The following EIF4G3 variants were observed in gnomAD, a reference collection of about 807,000 sequenced individuals.
EIF4G3 encodes eIF-4-gamma 3.
A neutral mutation model predicts 186.4 loss-of-function variants in EIF4G3; 34 were observed. That is an observed-to-expected ratio of 0.18 (90% CI 0.14 to 0.24). EIF4G3 has a LOEUF of 0.24. Among genes scored for constraint, EIF4G3 ranks in the 10% least tolerant of loss-of-function variants. The probability of loss-of-function intolerance (pLI) is 1.00; values close to 1 mark genes in which losing one functional copy is unlikely to be tolerated. For synonymous variants in EIF4G3, 673 were observed against 679.5 expected (o/e 0.99, Z 0.15); for missense variants, 1,536 against 1,948.5 (o/e 0.79, Z 3.99).
At chr1:20,989,914 C>A (rs1382332381) in intron 7 of EIF4G3, among the ~76,000 whole-genome samples, 1 of 152,134 alleles carries the variant, frequency 6.6e-6, no homozygotes, top group Non-Finnish European at 1.5e-5. Flanking sequence ...CAGTAGCTCA[C>A]GCCTGTAATC....
chr1:21,142,444 T>A (rs535636915), intron 2 of EIF4G3, among the ~76,000 whole-genome samples: 1 of 152,224 alleles, frequency 6.6e-6, no homozygotes, highest in East Asian at 1.9e-4. Flanking sequence ...ATGGTGGAAG[T>A]TGCAGTGAGT....
At chr1:21,038,880 A>T (rs534551298) in intron 4 of EIF4G3, among the ~76,000 whole-genome samples, 5 of 151,602 alleles carry the variant, frequency 3.3e-5, no homozygotes, top group Non-Finnish European at 7.4e-5. Context: ...TATGAAACAT[A>T]TTTTTTTTTA....
chr1:20,896,717 C>A (rs1238737020), intron 16 of EIF4G3, among the ~76,000 whole-genome samples: 1 of 152,142 alleles, frequency 6.6e-6, no homozygotes, highest in Non-Finnish European at 1.5e-5. Flanking sequence ...TCTAGAACAA[C>A]TTCAAGTCCT....
At chr1:21,049,754 G>C (rs2094107826) in intron 4 of EIF4G3, among the ~76,000 whole-genome samples, 1 of 152,070 alleles carries the variant, frequency 6.6e-6, no homozygotes, top group Admixed American at 6.5e-5. Context: ...AGCCGGGCAT[G>C]GTGGCATGAG....
intron 14 of EIF4G3, among the ~76,000 whole-genome samples, chr1:20,907,752 C>T (rs1026345359): frequency 2.0e-5 from 3 of 151,972 alleles, no homozygotes; most frequent in African/African-American, 7.2e-5. Context: ...CATAGTATTC[C>T]ATGGTGTATA....
At chr1:21,089,115 T>C in intron 3 of EIF4G3, 23 bp downstream of exon 3, 1 of 714,340 alleles carries the variant, frequency 1.4e-6, no homozygotes, top group Non-Finnish European at 2.6e-6. Context: ...ACACACACAA[T>C]TTGACAACCT....
intron 20 of EIF4G3, among the ~76,000 whole-genome samples, chr1:20,872,369 T>G (rs1312764050): frequency 6.6e-6 from 1 of 152,076 alleles, no homozygotes; most frequent in East Asian, 1.9e-4. Context: ...CAAGTGATCC[T>G]TCCATCTTGA....
chr1:21,155,000 C>T (rs539524299), intron 2 of EIF4G3, among the ~76,000 whole-genome samples: 3 of 151,990 alleles, frequency 2.0e-5, no homozygotes, highest in Admixed American at 6.6e-5. Flanking sequence ...CAGTGGCTCA[C>T]GCCTGTAATC....
intron 2 of EIF4G3, among the ~76,000 whole-genome samples, chr1:21,126,340 T>C (rs994057183): frequency 7.9e-5 from 12 of 151,880 alleles, no homozygotes; most frequent in Admixed American, 5.9e-4. Context: ...CAATACTACA[T>C]TGAATTTATA....
At chr1:21,107,704 G>A (rs1326543531) in intron 2 of EIF4G3, among the ~76,000 whole-genome samples, 1 of 152,146 alleles carries the variant, frequency 6.6e-6, no homozygotes, top group Non-Finnish European at 1.5e-5. Context: ...TTTGAAACAG[G>A]ATCTCATGCT....
intron 13 of EIF4G3, among the ~76,000 whole-genome samples, chr1:20,945,717 G>A (rs2095912680): frequency 3.3e-5 from 5 of 152,018 alleles, no homozygotes; most frequent in African/African-American, 1.2e-4. Flanking sequence ...CTCCTGCCTC[G>A]TAAGCAATCC....
At chr1:20,876,131 G>C (rs989293564) in intron 20 of EIF4G3, among the ~76,000 whole-genome samples, 2 of 148,510 alleles carry the variant, frequency 1.3e-5, no homozygotes, top group Admixed American at 6.8e-5. Flanking sequence ...GCAGAGATGA[G>C]AGGATTGCTT....
intron 4 of EIF4G3, among the ~76,000 whole-genome samples, chr1:21,049,331 C>T (rs778967469): frequency 5.3e-5 from 8 of 152,112 alleles, no homozygotes; most frequent in Non-Finnish European, 8.8e-5. Flanking sequence ...CTAAGGTAAG[C>T]GTTTGCTCTT....
At chr1:21,118,987 C>T (rs1572840596) in intron 2 of EIF4G3, among the ~76,000 whole-genome samples, 2 of 130,848 alleles carry the variant, frequency 1.5e-5, no homozygotes, top group African/African-American at 2.9e-5. Context: ...TTTAAAAATA[C>T]ATATATATGA....
At chr1:20,912,104 C>T (rs1052543564) in intron 14 of EIF4G3, among the ~76,000 whole-genome samples, 1 of 152,010 alleles carries the variant, frequency 6.6e-6, no homozygotes, top group Non-Finnish European at 1.5e-5. Flanking sequence ...AGGGAGACCC[C>T]ATCTCTACAG....
At chr1:20,886,034 A>C (rs900214538) in intron 19 of EIF4G3, among the ~76,000 whole-genome samples, 167 bp downstream of exon 19, 1 of 152,264 alleles carries the variant, frequency 6.6e-6, no homozygotes, top group African/African-American at 2.4e-5. Flanking sequence ...AAGAGAAAAC[A>C]GTAGGTTGCC....
chr1:20,943,977 TG>T (rs1558363799), intron 13 of EIF4G3, among the ~76,000 whole-genome samples: 11 of 34,894 alleles, frequency 3.2e-4, no homozygotes, highest in African/African-American at 1.0e-3. Context: ...ATTTTTTTTG[TG>T]TGTGTGTGTG....
intron 29 of EIF4G3, among the ~76,000 whole-genome samples, chr1:20,845,868 C>CA (rs1322085835): frequency 2.0e-5 from 3 of 152,018 alleles, no homozygotes; most frequent in Non-Finnish European, 4.4e-5. Context: ...ATGGGAATAG[C>CA]ACTGAATCTA....
rs541631690 is a variant in EIF4G3 at position 20,839,243 on chromosome 1, C to T, written c.4061+1613G>A. On this transcript the variant is annotated intron_variant, in intron 30 of 36. Transcript: ENST00000602326. ...CCACCCGCCTCGGCCTCCCAAAGTG[C>T]TGGGATTACAGGTGTGAGCTACGGT... Among the ~76,000 whole-genome samples, 90 of 152,240 alleles carry T rather than the reference C, an allele frequency of 5.9e-4. 2 individuals are homozygous for T. The highest frequency in any genetic ancestry group is 2.1e-3 in the Admixed American group (32 of 15,294).
Sources: allele counts gnomAD v4.1 joint callset (sites outside exome capture counted in the v4.1 genomes callset), GRCh38; gene constraint gnomAD v4.1.1; transcripts MANE v1.5; gene names NCBI Gene and HGNC (gene_info 2026-07-23, HGNC 2026-07-21).